The following ABLIM3 variants were observed in gnomAD, a reference collection of about 807,000 sequenced individuals.
ABLIM3 encodes the protein actin-binding LIM protein 3.
ABLIM3 carries 61 observed loss-of-function variants against 109.5 expected under a neutral mutation model. That is an observed-to-expected ratio of 0.56 (90% CI 0.45 to 0.69). ABLIM3 has a LOEUF of 0.69. ABLIM3 is among the 30% of genes least tolerant of loss of function. ABLIM3 has a pLI of 0.00. For missense variants in ABLIM3, 796 were observed against 889.5 expected (o/e 0.89, Z 1.34); for synonymous variants, 300 against 324.8 (o/e 0.92, Z 0.82).
At chr5:149,225,660 T>C (rs57331907) in intron 8 of ABLIM3, among the ~76,000 whole-genome samples, 9,177 of 152,098 alleles carry the variant, frequency 0.06, 903 homozygotes, top group African/African-American at 0.21. Flanking sequence ...ATCACCTGAG[T>C]GGTATACAAT....
intron 8 of ABLIM3, among the ~76,000 whole-genome samples, chr5:149,222,661 C>CTTTTT (rs552243427): frequency 5.6e-5 from 7 of 124,422 alleles, no homozygotes; most frequent in Admixed American, 8.1e-5. Flanking sequence ...TTTCAGATTA[C>CTTTTT]TTTTTTTTTT....
chr5:149,181,034 C>T (rs1035724216), intron 2 of ABLIM3, among the ~76,000 whole-genome samples: 1 of 152,148 alleles, frequency 6.6e-6, no homozygotes, highest in Admixed American at 6.5e-5. Context: ...GTGCAATGAT[C>T]CTGGAGGGAC....
At chr5:149,232,123 T>C (rs1761928013) in intron 9 of ABLIM3, among the ~76,000 whole-genome samples, 1 of 152,152 alleles carries the variant, frequency 6.6e-6, no homozygotes, top group African/African-American at 2.4e-5. Context: ...CTGGCCAACA[T>C]GGCGAAACCC....
chr5:149,192,615 A>G (rs1363405688), intron 3 of ABLIM3, among the ~76,000 whole-genome samples: 1 of 147,328 alleles, frequency 6.8e-6, no homozygotes, highest in African/African-American at 2.5e-5. Context: ...ACAGAGCGAG[A>G]CTCCGTCTCA....
At chr5:149,190,087 G>C (rs980820166) in intron 3 of ABLIM3, among the ~76,000 whole-genome samples, 2 of 152,238 alleles carry the variant, frequency 1.3e-5, no homozygotes, top group East Asian at 3.9e-4. Flanking sequence ...TTGAAAACAC[G>C]TAAAAGAAAA....
chr5:149,142,323 GCGCCGGC>G (rs766929838), intron 2 of ABLIM3, among the ~76,000 whole-genome samples: 8 of 152,204 alleles, frequency 5.3e-5, no homozygotes, highest in Non-Finnish European at 1.0e-4. Context: ...TTTATCAGCG[GCGCCGGC>G]CGCCTCTCCT....
intron 3 of ABLIM3, among the ~76,000 whole-genome samples, chr5:149,194,053 A>G (rs1456202709): frequency 6.6e-6 from 1 of 152,220 alleles, no homozygotes; most frequent in Non-Finnish European, 1.5e-5. Flanking sequence ...AGAAAGGGCA[A>G]TCCATAAAGG....
At chr5:149,191,250 C>T (rs910060834) in intron 3 of ABLIM3, among the ~76,000 whole-genome samples, 5 of 151,932 alleles carry the variant, frequency 3.3e-5, no homozygotes, top group Admixed American at 1.3e-4. Flanking sequence ...ATAGGGACAT[C>T]GCTGTAGTTG....
chr5:149,180,940 C>T (rs1291035741), intron 2 of ABLIM3, among the ~76,000 whole-genome samples: 10 of 152,056 alleles, frequency 6.6e-5, no homozygotes, highest in Admixed American at 6.6e-4. Context: ...AAAATCAAAT[C>T]CAATTAGAAA....
chr5:149,250,171 G>A (rs1005577220), intron 19 of ABLIM3, among the ~76,000 whole-genome samples: 1 of 152,310 alleles, frequency 6.6e-6, no homozygotes, highest in African/African-American at 2.4e-5. Context: ...CAGGACACAG[G>A]GGTCTATCAC....
chr5:149,188,654 T>C (rs1757203796), intron 3 of ABLIM3, among the ~76,000 whole-genome samples: 1 of 152,216 alleles, frequency 6.6e-6, no homozygotes, highest in Admixed American at 6.5e-5. Context: ...TAGTGTCTGT[T>C]GTTTTAAGAG....
In ABLIM3 at chr5:149,258,469, T is replaced by G. The variant is rs1754646949; in HGVS notation, c.*65T>G. On this transcript the variant is annotated 3_prime_UTR_variant, in exon 24 of 24. Coordinates refer to ENST00000309868, the MANE Select transcript of ABLIM3 (RefSeq NM_014945.5). ...ATATGTAAAATCTCTCTACTGAAGCTCGGTATAATCCTCTCTTGTGTAATG... is the reference window on the plus strand; with the variant it reads ...ATATGTAAAATCTCTCTACTGAAGCGCGGTATAATCCTCTCTTGTGTAATG... The G allele has an allele frequency of 3.3e-6, 5 of 1,524,820 alleles. No individual in the cohort carries two copies. In the Admixed American group the frequency reaches 8.0e-5, roughly 24 times the overall value. 94.5% of individuals were successfully genotyped at this position (1,524,820 alleles called of 1,614,324 possible). A position where few individuals can be genotyped will look rare whatever the true frequency, so the allele number is the denominator to read the frequency against.
intron 6 of ABLIM3, among the ~76,000 whole-genome samples, chr5:149,209,265 A>G (rs1759309299): frequency 6.6e-6 from 1 of 152,176 alleles, no homozygotes; most frequent in South Asian, 2.1e-4. Context: ...CAGATTGCCC[A>G]CCACACCTGG....
intron 2 of ABLIM3, among the ~76,000 whole-genome samples, chr5:149,169,679 C>T (rs1755189965): frequency 6.6e-6 from 1 of 152,166 alleles, no homozygotes; most frequent in Non-Finnish European, 1.5e-5. Context: ...GAAGGAGTGG[C>T]TGCTGAGAAG....
Position 149,142,148 on chromosome 5 carries a change from T to C in ABLIM3, c.13+40T>C, listed in dbSNP as rs762123483. On this transcript the variant is annotated intron_variant, in intron 2 of 23. Coordinates refer to ENST00000309868, the MANE Select transcript of ABLIM3 (RefSeq NM_014945.5). ...CTCTCCTTTGCCATGGGAACAGGGG[T>C]GGGGGCGGGAGGTGAGGGAGCCTGC... 4.1e-5 allele frequency: 41 copies of C among 998,678 alleles called. No homozygotes were observed. The East Asian group carries it at 1.5e-3, about 37-fold the overall frequency. 61.9% of individuals were successfully genotyped at this position (998,678 alleles called of 1,614,324 possible). A position where few individuals can be genotyped will look rare whatever the true frequency, so the allele number is the denominator to read the frequency against.
intron 15 of ABLIM3, 78 bp from the exon 16 acceptor site, chr5:149,244,803 G>C (rs943363018): frequency 2.5e-6 from 4 of 1,593,324 alleles, no homozygotes; most frequent in Non-Finnish European, 3.4e-6. Context: ...CTGGAGCCTG[G>C]TAAAGATAGG....
intron 2 of ABLIM3, among the ~76,000 whole-genome samples, chr5:149,154,743 A>G (rs1466616916): frequency 6.6e-6 from 1 of 152,192 alleles, no homozygotes; most frequent in Non-Finnish European, 1.5e-5. Flanking sequence ...TCCTTTGACT[A>G]TAAGCCACAT....
chr5:149,235,529 C>T (rs1042400607), intron 10 of ABLIM3, among the ~76,000 whole-genome samples: 2 of 152,086 alleles, frequency 1.3e-5, no homozygotes, highest in African/African-American at 4.8e-5. Flanking sequence ...TCATTTATAG[C>T]CCTGTAAACA....
At chr5:149,178,040 G>C (rs1159750880) in intron 2 of ABLIM3, among the ~76,000 whole-genome samples, 1 of 152,098 alleles carries the variant, frequency 6.6e-6, no homozygotes, top group African/African-American at 2.4e-5. Flanking sequence ...CCGCTGTGTC[G>C]TGTGCTTCCC....
Sources: gnomAD v4.1 joint callset for allele counts (sites outside exome capture counted in the v4.1 genomes callset) on GRCh38, gnomAD v4.1.1 for gene constraint, MANE v1.5 for transcripts, NCBI Gene and HGNC (gene_info 2026-07-23, HGNC 2026-07-21) for gene names.